Variants in ATP2B4 observed in about 807,000 individuals in gnomAD.
ATP2B4 encodes the protein ATPase plasma membrane Ca2+ transporting 4, also known as plasma membrane calcium-transporting ATPase 4.
In ATP2B4, 39 loss-of-function variants were observed where a neutral mutation model predicts 110.3. That is an observed-to-expected ratio of 0.35 (90% CI 0.27 to 0.46). The LOEUF (loss-of-function observed/expected upper bound fraction) is 0.46. Among genes scored for constraint, ATP2B4 ranks in the 20% least tolerant of loss-of-function variants. ATP2B4 has a pLI of 1.00. For synonymous variants in ATP2B4, 538 were observed against 571.7 expected (o/e 0.94, Z 0.84); for missense variants, 1,135 against 1,530.9 (o/e 0.74, Z 4.32).
In ATP2B4 at chr1:203,709,561, TC is replaced by T; in HGVS notation, c.1799+20del. ...TGCGCAAGTGAGCACCCCCGACCAC[TC>T]TGCTTCCCTTCAAGATCCTCTCCTC... On this transcript the variant is annotated intron_variant, in intron 11 of 20. Coordinates refer to ENST00000357681, the MANE Select transcript of ATP2B4 (RefSeq NM_001684.5). 1 of 1,613,528 alleles carries T rather than the reference TC, an allele frequency of 6.2e-7. No individual in the cohort carries two copies. The highest frequency in any genetic ancestry group is 8.5e-7 in the Non-Finnish European group (1 of 1,179,604).
At chr1:203,628,433 A>G (rs182070423) in intron 1 of ATP2B4, among the ~76,000 whole-genome samples, 1 of 152,264 alleles carries the variant, frequency 6.6e-6, no homozygotes, top group Non-Finnish European at 1.5e-5. Context: ...GCCGGACTTA[A>G]CAATAACTTG....
Position 203,669,625 on chromosome 1 carries a change from C to T in ATP2B4, c.-464-13117C>T, listed in dbSNP as rs915081662. Among the ~76,000 whole-genome samples, 10 of 152,130 alleles carry T rather than the reference C, an allele frequency of 6.6e-5. No individual in the cohort carries two copies. The South Asian group carries it at 8.3e-4, about 13-fold the overall frequency. On this transcript the variant is annotated intron_variant, in intron 1 of 20. Coordinates refer to ENST00000357681, the MANE Select transcript of ATP2B4 (RefSeq NM_001684.5). ...CTAATTTTTGTATATTTAGTAGAGACGGAGTTTCTCCATATTGGTCAGGCT... is the reference window on the plus strand; with the variant it reads ...CTAATTTTTGTATATTTAGTAGAGATGGAGTTTCTCCATATTGGTCAGGCT...
intron 2 of ATP2B4, among the ~76,000 whole-genome samples, chr1:203,688,501 C>T (rs1279207809): frequency 6.6e-6 from 1 of 151,860 alleles, no homozygotes; most frequent in Non-Finnish European, 1.5e-5. Flanking sequence ...AGGGTCTCTC[C>T]ATGTTGCCCA....
rs1663184275 is a variant in ATP2B4 at position 203,629,214 on chromosome 1, G to A, written c.-465+1995G>A. 6.6e-6 allele frequency among the ~76,000 whole-genome samples: 1 copy of A among 152,208 alleles called. No individual in the cohort carries two copies. The highest frequency in any genetic ancestry group is 2.1e-4 in the South Asian group (1 of 4,836). On this transcript the variant is annotated intron_variant, in intron 1 of 20. Transcript: ENST00000357681. This position sits in a 1 kb window ranked among gnomAD's most constrained non-coding sequence, Gnocchi z 4.6. ...CCTGTGTTCTGCTCGAGAAGGGAATGAGGCCTTCCCCAGTGGGCAGGGCCC... is the reference window on the plus strand; with the variant it reads ...CCTGTGTTCTGCTCGAGAAGGGAATAAGGCCTTCCCCAGTGGGCAGGGCCC...
intron 13 of ATP2B4, among the ~76,000 whole-genome samples, chr1:203,712,496 C>T (rs1451611399): frequency 1.3e-5 from 2 of 151,766 alleles, no homozygotes; most frequent in Non-Finnish European, 2.9e-5. Flanking sequence ...GAGGCTGAGG[C>T]AGGAGAATCA....
chr1:203,715,045 C>A (rs530505102), intron 15 of ATP2B4, among the ~76,000 whole-genome samples: 51 of 152,218 alleles, frequency 3.4e-4, no homozygotes, highest in African/African-American at 1.2e-3. Flanking sequence ...GTGATTCCCC[C>A]CCATTTACAT....
At position 203,712,014 on chromosome 1, in the gene ATP2B4, A is replaced by T. The variant is rs777112411; in HGVS notation, c.2086A>T (p.Thr696Ser). Reference protein sequence around the residue: ...KQAGITVRMVTGDNINTARAI... With the variant: ...KQAGITVRMVSGDNINTARAI... Reference sequence around the variant, plus strand: ...AGCTGGCATTACTGTCAGAATGGTGACAGGTGACAACATCAACACAGCCCG... The same window carrying T: ...AGCTGGCATTACTGTCAGAATGGTGTCAGGTGACAACATCAACACAGCCCG... Residue 696 changes from threonine (T) to serine (S), a missense_variant, in exon 13 of 21, where the codon ACA (threonine) becomes TCA (serine). Around this residue, in one of 9 missense-constraint regions of ATP2B4, gnomAD observed 368 missense variants for 455.9 expected, o/e 0.81. Coordinates refer to ENST00000357681, the MANE Select transcript of ATP2B4 (RefSeq NM_001684.5). 1 of 1,614,174 alleles carries T rather than the reference A, an allele frequency of 6.2e-7. No homozygotes were observed. Among genetic ancestry groups the T allele is most frequent in the Non-Finnish European group, 8.5e-7 (1 of 1,180,012 alleles).
intron 1 of ATP2B4, among the ~76,000 whole-genome samples, chr1:203,650,045 C>T (rs1663930037): frequency 6.6e-6 from 1 of 152,226 alleles, no homozygotes; most frequent in African/African-American, 2.4e-5. Context: ...CCCAGCCTTC[C>T]CTTCCATGGT....
rs771784415 is a variant in ATP2B4 at position 203,741,773 on chromosome 1, G to C, written c.*1919G>C. 1 of 148,708 alleles carries C rather than the reference G, an allele frequency of 6.7e-6. No homozygotes were observed. Among genetic ancestry groups the C allele is most frequent in the African/African-American group, 2.5e-5 (1 of 39,904 alleles). 9.2% of individuals were successfully genotyped at this position (148,708 alleles called of 1,614,324 possible). ...AAATTTGATTTTGGTTTTGTAAAAC[G>C]TACATGCTTCAATAATTCTTTTTTG... is the stretch of plus-strand genomic sequence containing the variant. On this transcript the variant is annotated 3_prime_UTR_variant, in exon 21 of 21. Coordinates refer to ENST00000357681, the MANE Select transcript of ATP2B4 (RefSeq NM_001684.5).
At chr1:203,697,038 T>C (rs1665554190) in intron 2 of ATP2B4, among the ~76,000 whole-genome samples, 1 of 152,188 alleles carries the variant, frequency 6.6e-6, no homozygotes, top group Non-Finnish European at 1.5e-5. Flanking sequence ...GTTCTCTTTT[T>C]ATTCAATCTG....
intron 1 of ATP2B4, among the ~76,000 whole-genome samples, chr1:203,672,026 G>A (rs1329382445): frequency 6.6e-6 from 1 of 152,216 alleles, no homozygotes; most frequent in Admixed American, 6.5e-5. Flanking sequence ...GGGGGCTGGG[G>A]GGAGGGAGGA....
chr1:203,732,465 G>A (rs911130371), intron 20 of ATP2B4, among the ~76,000 whole-genome samples: 6 of 152,126 alleles, frequency 3.9e-5, no homozygotes, highest in Admixed American at 2.0e-4. Context: ...TTCAGCCCAG[G>A]GAAGGGATAG....
At chr1:203,638,351 G>T (rs1655962720) in intron 1 of ATP2B4, among the ~76,000 whole-genome samples, 1 of 152,198 alleles carries the variant, frequency 6.6e-6, no homozygotes, top group African/African-American at 2.4e-5. Flanking sequence ...TGGACCATTA[G>T]GATGATTTTT....
At chr1:203,735,732 T>C (rs1364565983) in intron 20 of ATP2B4, among the ~76,000 whole-genome samples, 3 of 152,216 alleles carry the variant, frequency 2.0e-5, no homozygotes, top group South Asian at 2.1e-4. Context: ...CAGGAACCTC[T>C]CCCACCAGTT....
chr1:203,720,607 A>G lies in ATP2B4; in HGVS notation c.2465A>G (p.Asn822Ser), dbSNP rs1181082369. 6.2e-7 allele frequency: 1 copy of G among 1,613,994 alleles called. No homozygotes were observed. The highest frequency in any genetic ancestry group is 1.7e-5 in the Admixed American group (1 of 60,024). Reference protein sequence around the residue: ...EASDIILTDDNFTSIVKAVMW... With the variant: ...EASDIILTDDSFTSIVKAVMW... Reference sequence around the variant, plus strand: ...TCAGACATCATCCTAACAGATGACAACTTCACCAGCATTGTGAAGGCAGTG... The same window carrying G: ...TCAGACATCATCCTAACAGATGACAGCTTCACCAGCATTGTGAAGGCAGTG... Residue 822 changes from asparagine to serine, a missense_variant, in exon 16 of 21, where the codon AAC (asparagine) becomes AGC (serine). Physicochemically the swap from Asn to Ser is conservative, Grantham distance 46. Transcript: ENST00000357681.
At chr1:203,652,066 A>C (rs1207590744) in intron 1 of ATP2B4, among the ~76,000 whole-genome samples, 4 of 151,240 alleles carry the variant, frequency 2.6e-5, no homozygotes. Flanking sequence ...CAAAAAAAAA[A>C]AAGCAAAACA....
At position 203,739,420 on chromosome 1, in the gene ATP2B4, T is replaced by TG. The variant is rs199967123; in HGVS notation, c.3310-125dup. 1,528 of 933,672 alleles carry TG rather than the reference T, an allele frequency of 1.6e-3. 18 individuals carry two copies. The East Asian group carries it at 0.025, about 15-fold the overall frequency. 57.8% of individuals were successfully genotyped at this position (933,672 alleles called of 1,614,324 possible). A position where few individuals can be genotyped will look rare whatever the true frequency, so the allele number is the denominator to read the frequency against. The stretch of plus-strand genomic sequence containing the variant: ...ATCTCTTCTGATGTGTGTTTGGTTT[T>TG]GATGCTGAGCAGTCATGTTTTATAG... On this transcript the variant is annotated intron_variant, in intron 20 of 20. Coordinates refer to ENST00000357681, the MANE Select transcript of ATP2B4 (RefSeq NM_001684.5).
rs529148353 is a variant in ATP2B4 at position 203,729,681 on chromosome 1, G to A, written c.3309+2110G>A. On this transcript the variant is annotated intron_variant, in intron 20 of 20. Transcript: ENST00000357681. ...TGTGGCTGCCTCACCTATCCAGGGC[G>A]ATGCAGCTCCCTGGGGACACAGGTG... The A allele has an allele frequency of 6.1e-5, 79 of 1,300,726 alleles. No homozygotes were observed. In the South Asian group the frequency reaches 7.7e-4, roughly 13 times the overall value. 80.6% of individuals were successfully genotyped at this position (1,300,726 alleles called of 1,614,324 possible). A position where few individuals can be genotyped will look rare whatever the true frequency, so the allele number is the denominator to read the frequency against.
chr1:203,630,367 CTCT>C (rs1451077509), intron 1 of ATP2B4, among the ~76,000 whole-genome samples: 32 of 9,438 alleles, frequency 3.4e-3, no homozygotes, highest in East Asian at 6.0e-3. Flanking sequence ...CTCTCTCTCT[CTCT>C]TTTTTTTTTT....
Sources: gnomAD v4.1 joint callset for allele counts (sites outside exome capture counted in the v4.1 genomes callset) on GRCh38, gnomAD v4.1.1 for gene constraint, gnomAD v4.1.1 regional missense constraint, Gnocchi (gnomAD v3.1) non-coding constraint, MANE v1.5 for transcripts, NCBI Gene and HGNC (gene_info 2026-07-23, HGNC 2026-07-21) for gene names.